TP63: variants seen among roughly 807,000 people sequenced by gnomAD.
TP63 encodes the protein tumor protein 63.
Under a neutral mutation model 82.8 loss-of-function variants are expected in TP63, and 17 were observed. The observed-to-expected ratio is 0.21, with a 90% CI of 0.14 to 0.31. The LOEUF (loss-of-function observed/expected upper bound fraction) is 0.31. Ranked by LOEUF, TP63 falls within the 10% of genes least tolerant of loss-of-function variation. TP63 has a pLI of 1.00. For synonymous variants in TP63, 330 were observed against 321.7 expected, an observed-to-expected ratio of 1.03 and a Z score of -0.28; for missense variants, 648 against 895.3, an observed-to-expected ratio of 0.72 and a Z score of 3.52.
the TP63 span, among the ~76,000 whole-genome samples, chr3:189,606,624 G>A: frequency 1.4e-5 from 2 of 145,774 alleles, no homozygotes; most frequent in African/African-American, 2.5e-5. Context: ...AGCAATTATC[G>A]TGCCTCAGCC....
chr3:189,688,997 C>A (rs1004413577), intron 1 of TP63, among the ~76,000 whole-genome samples: 1 of 150,396 alleles, frequency 6.6e-6, no homozygotes, highest in African/African-American at 2.4e-5. Context: ...CAACATGAAG[C>A]AGTGACAGAT....
At chr3:189,703,156 G>A (rs569635909) in intron 1 of TP63, among the ~76,000 whole-genome samples, 54 of 152,288 alleles carry the variant, frequency 3.5e-4, no homozygotes, top group African/African-American at 1.2e-3. Context: ...CTCTCAGGCC[G>A]GGCACGGTGT....
intron 3 of TP63, among the ~76,000 whole-genome samples, chr3:189,740,564 A>G (rs1057248077): frequency 5.3e-5 from 8 of 150,942 alleles, no homozygotes; most frequent in African/African-American, 2.0e-4. Flanking sequence ...CAGTGGCGCA[A>G]TCTAGGCTCA....
chr3:189,676,891 C>A (rs111702573), intron 1 of TP63, among the ~76,000 whole-genome samples: 2,432 of 152,102 alleles, frequency 0.016, 73 homozygotes, highest in African/African-American at 0.055. Flanking sequence ...AAATTGTCTT[C>A]CACGAAACTG....
chr3:189,660,783 C>T (rs903497180), intron 1 of TP63, among the ~76,000 whole-genome samples: 5 of 151,612 alleles, frequency 3.3e-5, no homozygotes, highest in African/African-American at 1.2e-4. Context: ...CTTTCACCTT[C>T]GATGTTAGAT....
At chr3:189,802,944 T>C (rs1726473294) in intron 3 of TP63, among the ~76,000 whole-genome samples, 1 of 152,184 alleles carries the variant, frequency 6.6e-6, no homozygotes, top group Non-Finnish European at 1.5e-5. Flanking sequence ...TTGACTATTG[T>C]TGCTATAGTG....
At chr3:189,680,149 T>C (rs1715786010) in intron 1 of TP63, among the ~76,000 whole-genome samples, 1 of 152,130 alleles carries the variant, frequency 6.6e-6, no homozygotes, top group Non-Finnish European at 1.5e-5. Context: ...ATTGGAATTC[T>C]GGTAGGGATT....
intron 1 of TP63, among the ~76,000 whole-genome samples, chr3:189,665,537 A>G (rs1289159234): frequency 3.9e-5 from 6 of 152,106 alleles, no homozygotes; most frequent in African/African-American, 1.4e-4. Context: ...ATTTGCAACT[A>G]TGAGGGGATA....
intron 4 of TP63, among the ~76,000 whole-genome samples, chr3:189,818,761 G>A (rs1473934099): frequency 6.6e-6 from 1 of 152,020 alleles, no homozygotes; most frequent in Non-Finnish European, 1.5e-5. Flanking sequence ...ATGTAGTTTT[G>A]GAGTGTATTT....
intron 5 of TP63, 123 bp downstream of exon 5, chr3:189,864,541 CTTTTT>C (rs10714778): frequency 0.016 from 3,502 of 213,266 alleles, no homozygotes; most frequent in East Asian, 0.025. Flanking sequence ...ATCAGTCTGC[CTTTTT>C]TTTTTTTTTT....
chr3:189,884,252 C>A (rs1428183585), intron 10 of TP63, among the ~76,000 whole-genome samples: 1 of 152,236 alleles, frequency 6.6e-6, no homozygotes, highest in Non-Finnish European at 1.5e-5. Context: ...GCCATATGTG[C>A]TGACTCTTTG....
Position 189,808,486 on chromosome 3 carries a change from C to G in TP63, c.539C>G (p.Ser180Cys), listed in dbSNP as rs1356247748. Reference sequence around the variant, plus strand: ...CCAGGCCCGCACAGTTTCGACGTGTCCTTCCAGCAGTCGAGCACCGCCAAG... The same window carrying G: ...CCAGGCCCGCACAGTTTCGACGTGTGCTTCCAGCAGTCGAGCACCGCCAAG... ...DYPGPHSFDVSFQQSSTAKSA... is the reference protein window; with the variant it reads ...DYPGPHSFDVCFQQSSTAKSA... Residue 180 changes from serine (S) to cysteine (C), a missense_variant, in exon 4 of 14, where the codon TCC (serine) becomes TGC (cysteine). Ser to Cys is a moderately radical substitution (Grantham distance 112, BLOSUM62 -1). Around this residue, in one of 5 missense-constraint regions of TP63, gnomAD observed 64 missense variants for 144.2 expected, o/e 0.44. Transcript: ENST00000264731. 6.2e-7 allele frequency: 1 copy of G among 1,614,118 alleles called. No individual in the cohort carries two copies. The highest frequency in any genetic ancestry group is 8.5e-7 in the Non-Finnish European group (1 of 1,180,054).
chr3:189,657,206 G>T (rs1278248889), intron 1 of TP63, among the ~76,000 whole-genome samples: 1 of 151,922 alleles, frequency 6.6e-6, no homozygotes, highest in African/African-American at 2.4e-5. Context: ...TTAATAGAAG[G>T]TACATAGGAG....
intron 1 of TP63, among the ~76,000 whole-genome samples, chr3:189,635,804 G>A (rs1465186547): frequency 6.6e-6 from 1 of 151,890 alleles, no homozygotes; most frequent in Non-Finnish European, 1.5e-5. Flanking sequence ...TTTCCTGCCA[G>A]GATCATGACA....
intron 5 of TP63, among the ~76,000 whole-genome samples, chr3:189,866,108 A>G (rs1717689921): frequency 6.6e-6 from 1 of 152,152 alleles, no homozygotes; most frequent in Non-Finnish European, 1.5e-5. Context: ...CTTTTTTAAA[A>G]TTGCATCCCT....
chr3:189,626,399 C>T (rs1346565038), upstream of TP63, among the ~76,000 whole-genome samples: 3 of 152,296 alleles, frequency 2.0e-5, no homozygotes, highest in South Asian at 2.1e-4. Flanking sequence ...TTCCTGCTCT[C>T]CTCACTATAA....
upstream of TP63, chr3:189,631,376 A>C (rs893174028): frequency 2.4e-5 from 36 of 1,528,922 alleles, no homozygotes; most frequent in South Asian, 7.1e-5. Context: ...GAAGGAGAGA[A>C]GTGCCTAAAC....
chr3:189,758,172 C>A (rs1722322672), intron 3 of TP63, among the ~76,000 whole-genome samples: 1 of 152,176 alleles, frequency 6.6e-6, no homozygotes, highest in South Asian at 2.1e-4. Context: ...TCATAAGGAG[C>A]ACACAACTTA....
intron 3 of TP63, among the ~76,000 whole-genome samples, chr3:189,787,791 C>T (rs1315131291): frequency 6.6e-6 from 1 of 152,016 alleles, no homozygotes; most frequent in Non-Finnish European, 1.5e-5. Context: ...TCCTCTAGAT[C>T]ATTGATTCCC....
Sources: allele counts gnomAD v4.1 joint callset (sites outside exome capture counted in the v4.1 genomes callset), GRCh38; gene constraint gnomAD v4.1.1; regional missense constraint gnomAD v4.1.1; transcripts MANE v1.5; gene names NCBI Gene and HGNC (gene_info 2026-07-23, HGNC 2026-07-21).